The following CACNA2D3 variants were observed in gnomAD, a reference collection of about 807,000 sequenced individuals.
The protein encoded by CACNA2D3 is voltage-dependent calcium channel subunit alpha-2/delta-3.
CACNA2D3 carries 60 observed loss-of-function variants against 160.6 expected under a neutral mutation model. That is an observed-to-expected ratio of 0.37 (90% CI 0.30 to 0.46). The LOEUF (loss-of-function observed/expected upper bound fraction) is 0.46, where lower values mean the gene tolerates loss of function less well. CACNA2D3 is among the 20% of genes least tolerant of loss of function. The pLI, the probability that CACNA2D3 is intolerant of heterozygous loss-of-function variation, is 1.00. For missense variants in CACNA2D3, 1,205 were observed against 1,365.0 expected (o/e 0.88, Z 1.85); for synonymous variants, 558 against 492.9 (o/e 1.13, Z -1.75).
At chr3:54,739,089 C>A (rs1309624411) in intron 11 of CACNA2D3, among the ~76,000 whole-genome samples, 1 of 151,740 alleles carries the variant, frequency 6.6e-6, no homozygotes, top group Non-Finnish European at 1.5e-5. Context: ...CGAGATCATG[C>A]CACTGCATTC....
At chr3:54,427,314 C>A (rs1464892488) in intron 4 of CACNA2D3, among the ~76,000 whole-genome samples, 1 of 152,126 alleles carries the variant, frequency 6.6e-6, no homozygotes, top group Non-Finnish European at 1.5e-5. Context: ...ATCTCGGACA[C>A]ATGTGCTTCT....
chr3:55,033,081 G>A (rs938723184), intron 35 of CACNA2D3, among the ~76,000 whole-genome samples: 6 of 152,034 alleles, frequency 3.9e-5, no homozygotes, highest in African/African-American at 1.4e-4. Context: ...AGGCAACTTT[G>A]TGATTTTCCT....
At chr3:54,521,585 T>A (rs928104193) in intron 5 of CACNA2D3, among the ~76,000 whole-genome samples, 1 of 152,212 alleles carries the variant, frequency 6.6e-6, no homozygotes, top group African/African-American at 2.4e-5. Context: ...ATTTTGTTAC[T>A]CATACTATTG....
chr3:54,936,713 T>G (rs1038106179), intron 27 of CACNA2D3, among the ~76,000 whole-genome samples: 1 of 152,182 alleles, frequency 6.6e-6, no homozygotes, highest in South Asian at 2.1e-4. Context: ...TAGGAGGCCC[T>G]CTTTCCCATC....
chr3:54,342,655 C>G (rs1204954796), intron 3 of CACNA2D3, among the ~76,000 whole-genome samples: 1 of 152,164 alleles, frequency 6.6e-6, no homozygotes, highest in Non-Finnish European at 1.5e-5. Context: ...AAGAACGGCA[C>G]TGTACAAATT....
At chr3:54,256,557 G>A (rs1199602500) in intron 2 of CACNA2D3, among the ~76,000 whole-genome samples, 4 of 152,096 alleles carry the variant, frequency 2.6e-5, no homozygotes, top group East Asian at 3.9e-4. Context: ...TTAGGGTTAT[G>A]TACTATTGTA....
At chr3:54,546,720 ACACACACACACAGACG>A (rs1176176112) in intron 5 of CACNA2D3, among the ~76,000 whole-genome samples, 78 of 126,222 alleles carry the variant, frequency 6.2e-4, no homozygotes, top group South Asian at 1.1e-3. Context: ...GCGCGCACAC[ACACACACACACAGACG>A]GTCAACCAGT....
intron 2 of CACNA2D3, among the ~76,000 whole-genome samples, chr3:54,210,195 C>A (rs1345728718): frequency 1.3e-5 from 2 of 151,988 alleles, no homozygotes; most frequent in African/African-American, 4.8e-5. Flanking sequence ...GTGTATGAGC[C>A]CAGAGGTGGC....
At position 54,646,420 on chromosome 3, in the gene CACNA2D3, C is replaced by A. The variant is rs143422419; in HGVS notation, c.1167+4179C>A. On this transcript the variant is annotated intron_variant, in intron 11 of 37. Transcript: ENST00000474759. ...GATGCTCTCTCACCCCACAAAGGTG[C>A]CCCAGTATGTGTTGTTTGCCCCCAT... 6.9e-4 allele frequency among the ~76,000 whole-genome samples: 6 copies of A among 8,718 alleles called. No individual in the cohort carries two copies. The South Asian group carries it at 0.049, about 71-fold the overall frequency. 5.7% of individuals were successfully genotyped at this position (8,718 alleles called of 152,430 possible).
Position 54,417,771 on chromosome 3 carries a change from G to GGT in CACNA2D3, c.381+31008_381+31009dup, listed in dbSNP as rs537845073. Among the ~76,000 whole-genome samples, 13 of 138,402 alleles carry GGT rather than the reference G, an allele frequency of 9.4e-5. No homozygotes were observed. In the South Asian group the frequency reaches 2.1e-3, roughly 23 times the overall value. 90.8% of individuals were successfully genotyped at this position (138,402 alleles called of 152,430 possible). On this transcript the variant is annotated intron_variant, in intron 4 of 37. Transcript: ENST00000474759. ...GATGACAGGGGTTCATGTTTGTTGTGGTGTGTGTGTGTATCTGTGTGTGTG... is the reference window on the plus strand; with the variant it reads ...GATGACAGGGGTTCATGTTTGTTGTGGTGTGTGTGTGTGTATCTGTGTGTGTG...
At chr3:54,539,357 C>G (rs552208037) in intron 5 of CACNA2D3, among the ~76,000 whole-genome samples, 1 of 152,220 alleles carries the variant, frequency 6.6e-6, no homozygotes, top group Non-Finnish European at 1.5e-5. Flanking sequence ...GCCCCTATTT[C>G]TCCTTCTCCT....
At chr3:54,917,075 A>G (rs1007049756) in intron 27 of CACNA2D3, among the ~76,000 whole-genome samples, 3 of 152,214 alleles carry the variant, frequency 2.0e-5, no homozygotes, top group Admixed American at 6.5e-5. Context: ...TGATTTTAAT[A>G]CTAACAGGTG....
At chr3:54,235,407 A>C (rs1404609817) in intron 2 of CACNA2D3, among the ~76,000 whole-genome samples, 1 of 152,202 alleles carries the variant, frequency 6.6e-6, no homozygotes, top group Non-Finnish European at 1.5e-5. Context: ...AGCAGAAGGC[A>C]AAGGGGGAGC....
At chr3:54,244,548 A>G (rs116319489) in intron 2 of CACNA2D3, among the ~76,000 whole-genome samples, 2,226 of 152,270 alleles carry the variant, frequency 0.015, 46 homozygotes, top group African/African-American at 0.05. Flanking sequence ...ATCTGGGGTA[A>G]TGCCTGGCTC....
intron 5 of CACNA2D3, among the ~76,000 whole-genome samples, chr3:54,554,989 C>T (rs1485156177): frequency 6.7e-6 from 1 of 149,974 alleles, no homozygotes; most frequent in Non-Finnish European, 1.5e-5. Context: ...ATCCTTTCAC[C>T]TCGGCTTCTT....
chr3:55,056,640 T>A (rs1704368161), intron 35 of CACNA2D3, among the ~76,000 whole-genome samples: 1 of 152,154 alleles, frequency 6.6e-6, no homozygotes, highest in Admixed American at 6.5e-5. Flanking sequence ...AGAAGGAAAT[T>A]CTGTCATTTG....
At chr3:54,295,848 G>A (rs1703330540) in intron 2 of CACNA2D3, among the ~76,000 whole-genome samples, 1 of 152,168 alleles carries the variant, frequency 6.6e-6, no homozygotes, top group South Asian at 2.1e-4. Flanking sequence ...GGAATAGAAT[G>A]GGAGGCAGGT....
chr3:54,198,029 C>T (rs528445491), intron 2 of CACNA2D3, among the ~76,000 whole-genome samples: 1 of 152,170 alleles, frequency 6.6e-6, no homozygotes, highest in Non-Finnish European at 1.5e-5. Context: ...AAATAGCATG[C>T]GTGAAGTTCC....
chr3:54,628,230 A>T (rs1312280369), intron 10 of CACNA2D3, among the ~76,000 whole-genome samples: 3 of 151,964 alleles, frequency 2.0e-5, no homozygotes, highest in Non-Finnish European at 4.4e-5. Context: ...CGTCTCAAAA[A>T]AAAATAGAAA....
Sources: gnomAD v4.1 joint callset for allele counts (sites outside exome capture counted in the v4.1 genomes callset) on GRCh38, gnomAD v4.1.1 for gene constraint, MANE v1.5 for transcripts, NCBI Gene and HGNC (gene_info 2026-07-23, HGNC 2026-07-21) for gene names.